DNAH9: variants seen among roughly 807,000 people sequenced by gnomAD.
DNAH9 encodes dynein axonemal heavy chain 9, also known as DNAH9 variant protein.
In DNAH9, 345 loss-of-function variants were observed where a neutral mutation model predicts 471.6. That is an observed-to-expected ratio of 0.73 (90% CI 0.67 to 0.80). DNAH9 has a LOEUF of 0.80. Ranked by LOEUF, DNAH9 falls within the 30% of genes least tolerant of loss-of-function variation. The probability of loss-of-function intolerance (pLI) is 0.00; values close to 1 mark genes in which losing one functional copy is unlikely to be tolerated. For synonymous variants in DNAH9, 2,093 were observed against 2,123.6 expected (o/e 0.99, Z 0.40); for missense variants, 5,407 against 5,609.2 (o/e 0.96, Z 1.15).
At position 11,701,187 on chromosome 17, in the gene DNAH9, A is replaced by C; in HGVS notation, c.5091A>C (p.Glu1697Asp). The change falls in exon 24 of 69, where the codon GAA becomes GAC. Residue 1697 changes from glutamate to aspartate, a missense_variant. Transcript: ENST00000262442. ...MKATVRHEMT[E>D]GVTAYEEKPR... ...CCACTGTGAGGCATGAGATGACAGA[A>C]GGTGTAACTGCCTATGAAGAAAAGC... 1 of 1,614,128 alleles carries C rather than the reference A, an allele frequency of 6.2e-7. No homozygotes were observed. Among genetic ancestry groups the C allele is most frequent in the African/African-American group, 1.3e-5 (1 of 75,052 alleles).
Position 11,693,905 on chromosome 17 carries a change from A to G in DNAH9, c.4652A>G (p.Lys1551Arg). ...KRFEGIDIDFKELAYDAQKIP... is the reference protein window; with the variant it reads ...KRFEGIDIDFRELAYDAQKIP... ...TTTGAAGGCATCGACATTGACTTTA[A>G]AGAGCTAGCTTATGATGCCCAGAAA... The change falls in exon 21 of 69, where the codon AAA becomes AGA. Residue 1551 changes from lysine (K) to arginine (R), a missense_variant. Lys to Arg is a conservative substitution (Grantham distance 26). This residue lies in a region of DNAH9 where 4,636 missense variants were observed against 4,900.3 expected (regional missense o/e 0.95). Coordinates refer to ENST00000262442, the MANE Select transcript of DNAH9 (RefSeq NM_001372.4). 3 of 1,614,140 alleles carry G rather than the reference A, an allele frequency of 1.9e-6. No individual in the cohort carries two copies. The highest frequency in any genetic ancestry group is 2.2e-5 in the South Asian group (2 of 91,074).
At chr17:11,695,116 C>T (rs995495571) in intron 22 of DNAH9, among the ~76,000 whole-genome samples, 6 of 151,532 alleles carry the variant, frequency 4.0e-5, no homozygotes, top group Admixed American at 6.6e-5. Flanking sequence ...TCTTGATCTC[C>T]TGACCTCGTG....
chr17:11,786,139 C>T (rs372380131), intron 41 of DNAH9, among the ~76,000 whole-genome samples: 29 of 151,910 alleles, frequency 1.9e-4, no homozygotes, highest in African/African-American at 6.8e-4. Flanking sequence ...TCCTAAGTGA[C>T]AGAACTGAAG....
At chr17:11,745,148 A>G in intron 31 of DNAH9, 64 bp downstream of exon 31, 2 of 1,339,000 alleles carry the variant, frequency 1.5e-6, no homozygotes, top group Non-Finnish European at 2.1e-6. Context: ...ATAATGGGTT[A>G]TCCTTCATCC....
chr17:11,784,279 A>G, intron 40 of DNAH9, 21 bp from the exon 41 acceptor site: 1 of 1,611,832 alleles, frequency 6.2e-7, no homozygotes, highest in Non-Finnish European at 8.5e-7. Flanking sequence ...TGTTGAGCTC[A>G]TGCCTTTGTT....
At chr17:11,663,474 G>A (rs75755254) in intron 14 of DNAH9, among the ~76,000 whole-genome samples, 2,215 of 152,280 alleles carry the variant, frequency 0.015, 55 homozygotes, top group African/African-American at 0.049. Context: ...CTTGTTTCAA[G>A]GATCACATTC....
At chr17:11,625,487 A>G (rs2072953415) in intron 6 of DNAH9, among the ~76,000 whole-genome samples, 1 of 152,204 alleles carries the variant, frequency 6.6e-6, no homozygotes. Context: ...TCAAAAGGTA[A>G]AGAAAACAGT....
chr17:11,718,524 T>G (rs559419054), intron 26 of DNAH9, among the ~76,000 whole-genome samples: 1 of 152,356 alleles, frequency 6.6e-6, no homozygotes, highest in Non-Finnish European at 1.5e-5. Flanking sequence ...TTAAGAAATA[T>G]AAGTCCTTTT....
In DNAH9 at chr17:11,869,127, T is replaced by C. The variant is rs368647345; in HGVS notation, c.9934-7T>C. On this transcript the variant is annotated splice_region_variant and splice_polypyrimidine_tract_variant and intron_variant, in intron 50 of 68. Transcript: ENST00000262442. ...GACTGATGGTCCTTGTATTCCTTCC[T>C]AAACAGCACCTTAATGAAAACCTGG... 7 of 1,613,198 alleles carry C rather than the reference T, an allele frequency of 4.3e-6. No individual in the cohort carries two copies. In the African/African-American group the frequency reaches 9.3e-5, roughly 22 times the overall value.
At chr17:11,676,427 C>T (rs897950775) in intron 17 of DNAH9, among the ~76,000 whole-genome samples, 3 of 151,906 alleles carry the variant, frequency 2.0e-5, no homozygotes, top group African/African-American at 4.8e-5. Context: ...GGATTACAGG[C>T]ATGCACCACC....
At chr17:11,634,392 G>C (rs2073123245) in intron 8 of DNAH9, among the ~76,000 whole-genome samples, 1 of 152,148 alleles carries the variant, frequency 6.6e-6, no homozygotes, top group African/African-American at 2.4e-5. Context: ...CCTGACTCTA[G>C]ATCCCCTGTT....
intron 41 of DNAH9, among the ~76,000 whole-genome samples, chr17:11,793,267 G>A (rs1185384002): frequency 2.0e-5 from 3 of 152,152 alleles, no homozygotes; most frequent in Non-Finnish European, 4.4e-5. Context: ...AAAGTCACAA[G>A]TCACATAGTG....
At chr17:11,818,205 C>T (rs771536768) in intron 45 of DNAH9, among the ~76,000 whole-genome samples, 8 of 152,082 alleles carry the variant, frequency 5.3e-5, no homozygotes, top group Non-Finnish European at 7.4e-5. Flanking sequence ...CCGAGGCAGG[C>T]GGATCACAAG....
chr17:11,659,465 A>C (rs773887558), intron 14 of DNAH9, among the ~76,000 whole-genome samples: 6 of 152,156 alleles, frequency 3.9e-5, no homozygotes, highest in Non-Finnish European at 7.3e-5. Context: ...ATCTAAGCCC[A>C]GGGCATAAAA....
In DNAH9 at chr17:11,617,715, C is replaced by T. The variant is rs192361544; in HGVS notation, c.1116+93C>T. Reference sequence around the variant, plus strand: ...AGAGACAAGTGTCCTTTTTTCTGGGCGAGGAAATAATTATGTTCCAAAGAG... The same window carrying T: ...AGAGACAAGTGTCCTTTTTTCTGGGTGAGGAAATAATTATGTTCCAAAGAG... On this transcript the variant is annotated intron_variant, in intron 5 of 68. Coordinates refer to ENST00000262442, the MANE Select transcript of DNAH9 (RefSeq NM_001372.4). The T allele has an allele frequency of 1.6e-4, 140 of 869,214 alleles. No homozygotes were observed. The East Asian group carries it at 1.8e-3, about 11-fold the overall frequency. The allele number at this position is 869,214 out of a possible 1,614,324, so 53.8% of individuals were successfully genotyped here. A position where few individuals can be genotyped will look rare whatever the true frequency, so the allele number is the denominator to read the frequency against.
At chr17:11,708,108 A>T (rs1325151382) in intron 26 of DNAH9, among the ~76,000 whole-genome samples, 2 of 150,766 alleles carry the variant, frequency 1.3e-5, no homozygotes, top group Admixed American at 1.3e-4. Context: ...CCCATTCTGA[A>T]ATGGCCTGGC....
chr17:11,939,939 G>A (rs1043788375), intron 66 of DNAH9, among the ~76,000 whole-genome samples: 6 of 151,980 alleles, frequency 3.9e-5, no homozygotes, highest in African/African-American at 1.5e-4. Flanking sequence ...GATAGTGGGT[G>A]GATGGACGGA....
At chr17:11,872,581 C>T (rs1972312659) in intron 52 of DNAH9, among the ~76,000 whole-genome samples, 1 of 152,174 alleles carries the variant, frequency 6.6e-6, no homozygotes, top group Non-Finnish European at 1.5e-5. Context: ...ACCGGGATAC[C>T]TTTGGCAAGT....
chr17:11,834,523 A>C lies in DNAH9; in HGVS notation c.9247-115A>C, dbSNP rs1333754973. On this transcript the variant is annotated intron_variant, in intron 48 of 68. Coordinates refer to ENST00000262442, the MANE Select transcript of DNAH9 (RefSeq NM_001372.4). ...ACCTTTGTATCAGGAGCTGTCATCT[A>C]TTCTGCTCCACAGAGTTGGGTCCTC... 5.6e-6 allele frequency: 7 copies of C among 1,240,258 alleles called. 1 individual carries two copies. The highest frequency in any genetic ancestry group is 7.9e-6 in the Non-Finnish European group (7 of 885,220). 76.8% of individuals were successfully genotyped at this position (1,240,258 alleles called of 1,614,324 possible).
Sources: allele counts gnomAD v4.1 joint callset (sites outside exome capture counted in the v4.1 genomes callset), GRCh38; gene constraint gnomAD v4.1.1; regional missense constraint gnomAD v4.1.1; transcripts MANE v1.5; gene names NCBI Gene and HGNC (gene_info 2026-07-23, HGNC 2026-07-21).